ARAP1: variants seen among roughly 807,000 people sequenced by gnomAD.
The protein encoded by ARAP1 is ArfGAP with RhoGAP domain, ankyrin repeat and PH domain 1.
ARAP1 carries 76 observed loss-of-function variants against 172.2 expected under a neutral mutation model. That is an observed-to-expected ratio of 0.44 (90% confidence interval 0.37 to 0.53). The LOEUF (loss-of-function observed/expected upper bound fraction) is 0.53. Ranked by LOEUF, ARAP1 falls within the 20% of genes least tolerant of loss-of-function variation. ARAP1 has a pLI of 0.00. For missense variants in ARAP1, 1,686 were observed against 1,977.5 expected (o/e 0.85, Z 2.80); for synonymous variants, 804 against 803.3 (o/e 1.00, Z -0.01).
intron 16 of ARAP1, among the ~76,000 whole-genome samples, chr11:72,701,220 G>C (rs1001494206): frequency 2.6e-5 from 4 of 151,908 alleles, no homozygotes; most frequent in Admixed American, 6.6e-5. Flanking sequence ...GAGTGATTAG[G>C]GGGGTGGTTC....
chr11:72,696,475 G>T, intron 23 of ARAP1, 74 bp downstream of exon 23: 2 of 1,239,866 alleles, frequency 1.6e-6, no homozygotes, highest in Non-Finnish European at 2.2e-6. Flanking sequence ...CCAGAGGAGG[G>T]TAGTCAGCCA....
At chr11:72,750,533 T>C (rs945001392) in intron 1 of ARAP1, among the ~76,000 whole-genome samples, 1 of 150,172 alleles carries the variant, frequency 6.7e-6, no homozygotes, top group Non-Finnish European at 1.5e-5. Context: ...GGTTCTCTCT[T>C]TCTTTCATTC....
At position 72,693,737 on chromosome 11, in the gene ARAP1, C is replaced by A. The variant is rs1856042853; in HGVS notation, c.3763G>T (p.Val1255Leu). The A allele has an allele frequency of 6.2e-7, 1 of 1,611,216 alleles. No individual in the cohort carries two copies. The highest frequency in any genetic ancestry group is 2.2e-5 in the East Asian group (1 of 44,750). Reference protein sequence around the residue: ...LHGLGTDSHLVVKKHQAMEAM... With the variant: ...LHGLGTDSHLLVKKHQAMEAM... ...TCCATGGCCTGGTGCTTCTTCACCA[C>A]CAGGTGGCTGTCCGTGCCCAGCCCG... Residue 1255 changes from valine (V) to leucine (L), a missense_variant, in exon 28 of 35, where the codon GTG becomes TTG. Val to Leu is a conservative substitution (Grantham distance 32). Transcript: ENST00000393609. The surrounding 1 kb of genome is among the most constrained non-coding windows in gnomAD (Gnocchi z 4.6).
intron 16 of ARAP1, 76 bp downstream of exon 16, chr11:72,701,573 G>T: frequency 6.5e-7 from 1 of 1,542,646 alleles, no homozygotes. Context: ...CACCAGTCTG[G>T]CCAGCCCTGG....
chr11:72,744,988 G>A (rs557227021), intron 1 of ARAP1, among the ~76,000 whole-genome samples: 53 of 152,232 alleles, frequency 3.5e-4, no homozygotes, highest in African/African-American at 1.3e-3. Context: ...TTTAGCCAAG[G>A]CTCTGGTGCC....
chr11:72,735,360 C>T (rs547663972), intron 1 of ARAP1, among the ~76,000 whole-genome samples: 49 of 152,092 alleles, frequency 3.2e-4, no homozygotes, highest in African/African-American at 1.2e-3. Flanking sequence ...ACTGTAACCC[C>T]AGCACTTTGG....
At position 72,693,325 on chromosome 11, in the gene ARAP1, C is replaced by T; in HGVS notation, c.3954G>A (p.Arg1318=). Residue 1318 remains arginine, a splice_region_variant and synonymous_variant, in exon 29 of 35, where the codon CGG becomes CGA. Coordinates refer to ENST00000393609, the MANE Select transcript of ARAP1 (RefSeq NM_001040118.3). The surrounding 1 kb of genome is among the most constrained non-coding windows in gnomAD (Gnocchi z 4.6). ...SSCLRLYKEV[R]SQRPWSGAPE... ...GGCAGAACCCAGCGGGGCCACTTAC[C>T]CGGACCTCCTTGTAGAGCCGCAAGC... 1 of 1,613,600 alleles carries T rather than the reference C, an allele frequency of 6.2e-7. No homozygotes were observed. Among genetic ancestry groups the T allele is most frequent in the Non-Finnish European group, 8.5e-7 (1 of 1,179,664 alleles).
Position 72,699,230 on chromosome 11 carries a change from T to C in ARAP1, c.2439-123A>G. ...GCCTTGGCGCTTGTCCTTATTCTGG[T>C]CCCCTAAGAGGTGGTGGAAAAGTCT... On this transcript the variant is annotated intron_variant, in intron 17 of 34. Coordinates refer to ENST00000393609, the MANE Select transcript of ARAP1 (RefSeq NM_001040118.3). The surrounding 1 kb of genome is among the most constrained non-coding windows in gnomAD (Gnocchi z 4.2). The C allele has an allele frequency of 7.2e-7, 1 of 1,388,890 alleles. No homozygotes were observed. The allele number at this position is 1,388,890 out of a possible 1,614,324, so 86.0% of individuals were successfully genotyped here.
rs1857670002 is a variant in ARAP1, at chr11:72,725,812, C to T, written c.509+808G>A. 2.0e-5 allele frequency among the ~76,000 whole-genome samples: 3 copies of T among 152,264 alleles called. No homozygotes were observed. The South Asian group carries it at 6.2e-4, about 32-fold the overall frequency. ...AATAAACAAACAGGGACCAGGAGACCTCTCTCCGCACACCCCTTCCTCCTC... is the reference window on the plus strand; with the variant it reads ...AATAAACAAACAGGGACCAGGAGACTTCTCTCCGCACACCCCTTCCTCCTC... On this transcript the variant is annotated intron_variant, in intron 3 of 34. Transcript: ENST00000393609. This position sits in a 1 kb window ranked among gnomAD's most constrained non-coding sequence, Gnocchi z 4.3.
At chr11:72,719,479 C>A (rs1857417439) in intron 3 of ARAP1, among the ~76,000 whole-genome samples, 1 of 152,170 alleles carries the variant, frequency 6.6e-6, no homozygotes, top group South Asian at 2.1e-4. Flanking sequence ...TGAGCAGGTC[C>A]CTTCCTCTCC....
intron 30 of ARAP1, among the ~76,000 whole-genome samples, chr11:72,692,042 C>G (rs1855955235): frequency 6.6e-6 from 1 of 152,196 alleles, no homozygotes; most frequent in Non-Finnish European, 1.5e-5. Context: ...CCGATGTTCA[C>G]CTCCTGTTGC....
chr11:72,749,383 G>A (rs1267714510), intron 1 of ARAP1, among the ~76,000 whole-genome samples: 1 of 152,156 alleles, frequency 6.6e-6, no homozygotes, highest in African/African-American at 2.4e-5. Context: ...GGTGGAATTG[G>A]TTAATATGGA....
Position 72,695,396 on chromosome 11 carries a change from C to T in ARAP1, c.3567G>A (p.Gln1189=), listed in dbSNP as rs1856141663. The change falls in exon 26 of 35, where the codon CAG becomes CAA. Residue 1189 remains glutamine (Q), a synonymous_variant. Transcript: ENST00000393609. The surrounding 1 kb of genome is among the most constrained non-coding windows in gnomAD (Gnocchi z 4.4). The part of the protein sequence containing the change: ...YLEEKKAETE[Q]HIKVPASMTA... Reference sequence around the variant, plus strand: ...AGGTCCCAGCACCTACCTTGATATGCTGCTCAGTCTCTGCCTTCTTCTCTT... The same window carrying T: ...AGGTCCCAGCACCTACCTTGATATGTTGCTCAGTCTCTGCCTTCTTCTCTT... The T allele has an allele frequency of 1.2e-6, 2 of 1,614,090 alleles. No individual in the cohort carries two copies. Among genetic ancestry groups the T allele is most frequent in the African/African-American group, 1.3e-5 (1 of 74,940 alleles).
At chr11:72,688,002 T>C (rs2135484532) in intron 31 of ARAP1, among the ~76,000 whole-genome samples, 1 of 65,998 alleles carries the variant, frequency 1.5e-5, no homozygotes, top group Non-Finnish European at 4.3e-5. Context: ...TGTTTTTTTG[T>C]TGTTGTTTTT....
rs898163004 is a variant in ARAP1 at position 72,710,794 on chromosome 11, C to T, written c.1214-207G>A. Among the ~76,000 whole-genome samples, 1 of 152,216 alleles carries T rather than the reference C, an allele frequency of 6.6e-6. No individual in the cohort carries two copies. The highest frequency in any genetic ancestry group is 2.4e-5 in the African/African-American group (1 of 41,460). ...GGGCAAGTGACCTCACCCCTCCAAG[C>T]CTGCTCCCGCTGATTGTGTGGTTCT... On this transcript the variant is annotated intron_variant, in intron 9 of 34. Coordinates refer to ENST00000393609, the MANE Select transcript of ARAP1 (RefSeq NM_001040118.3). The surrounding 1 kb of genome is among the most constrained non-coding windows in gnomAD (Gnocchi z 4.3).
chr11:72,722,165 G>A, intron 3 of ARAP1: 1 of 983,650 alleles, frequency 1.0e-6, no homozygotes, highest in Non-Finnish European at 1.2e-6. Flanking sequence ...GAGAGAGAGA[G>A]AGAGAGAAAG....
chr11:72,701,652 C>T lies in ARAP1; in HGVS notation c.2299G>A (p.Glu767Lys). The T allele has an allele frequency of 6.2e-7, 1 of 1,612,796 alleles. No homozygotes were observed. The highest frequency in any genetic ancestry group is 2.2e-5 in the East Asian group (1 of 44,870). The stretch of plus-strand genomic sequence containing the variant: ...CAGAGTCTGGGGTGGCACCCACCTT[C>T]CCGGGCCCGGCGGTCCTGTAGCAGC... ...GKLLQDRRAR[E>K]EFSRRWCVLG... The change falls in exon 16 of 35, where the codon GAA becomes AAA. Residue 767 changes from glutamate to lysine, a missense_variant. Around this residue, in one of 5 missense-constraint regions of ARAP1, gnomAD observed 688 missense variants for 856.9 expected, o/e 0.80. Transcript: ENST00000393609.
intron 3 of ARAP1, among the ~76,000 whole-genome samples, chr11:72,721,668 G>A (rs1275850055): frequency 1.3e-5 from 2 of 152,030 alleles, no homozygotes; most frequent in Non-Finnish European, 2.9e-5. Context: ...GGAAAAGGCA[G>A]GGGAAAAAGA....
rs1385158965 is a variant in ARAP1 at position 72,707,201 on chromosome 11, CAG to C, written c.1695_1696del (p.Val567CysfsTer58). The C allele has an allele frequency of 3.1e-6, 5 of 1,599,512 alleles. No homozygotes were observed. Among genetic ancestry groups the C allele is most frequent in the Non-Finnish European group, 3.4e-6 (4 of 1,173,016 alleles). On this transcript the variant is annotated frameshift_variant, in exon 12 of 35. Coordinates refer to ENST00000393609, the MANE Select transcript of ARAP1 (RefSeq NM_001040118.3). LOFTEE classifies it high-confidence loss of function. ...TGCACAGCGCTTGCAGATAACAACA[CAG>C]AGGTTGATGGAGGCCCAGTCAGGCT...
Sources: gnomAD v4.1 joint callset for allele counts (sites outside exome capture counted in the v4.1 genomes callset) on GRCh38, gnomAD v4.1.1 for gene constraint, gnomAD v4.1.1 regional missense constraint, Gnocchi (gnomAD v3.1) non-coding constraint, MANE v1.5 for transcripts, NCBI Gene and HGNC (gene_info 2026-07-23, HGNC 2026-07-21) for gene names.